The following GSG1L variants were observed in gnomAD, a reference collection of about 807,000 sequenced individuals.
The protein encoded by GSG1L is GSG1 like.
A neutral mutation model predicts 42.1 loss-of-function variants in GSG1L; 24 were observed. That is an observed-to-expected ratio of 0.57 (90% CI 0.41 to 0.80). The LOEUF (loss-of-function observed/expected upper bound fraction) is 0.80. Ranked by LOEUF, GSG1L falls within the 30% of genes least tolerant of loss-of-function variation. GSG1L has a pLI of 0.00. For synonymous variants in GSG1L, 215 were observed against 203.5 expected, an observed-to-expected ratio of 1.06 and a Z score of -0.48; for missense variants, 445 against 472.2, an observed-to-expected ratio of 0.94 and a Z score of 0.53.
intron 2 of GSG1L, among the ~76,000 whole-genome samples, chr16:27,898,681 TCTC>T (rs1284525903): frequency 1.3e-5 from 2 of 150,514 alleles, no homozygotes; most frequent in Non-Finnish European, 3.0e-5. Flanking sequence ...TCTTTCTCTC[TCTC>T]TCTCTCTCTC....
intron 3 of GSG1L, among the ~76,000 whole-genome samples, chr16:27,853,568 T>C (rs2083540316): frequency 6.6e-6 from 1 of 152,170 alleles, no homozygotes; most frequent in Non-Finnish European, 1.5e-5. Flanking sequence ...AACCTTGTCT[T>C]GTCTGCAGAG....
intron 2 of GSG1L, among the ~76,000 whole-genome samples, chr16:27,900,669 T>C (rs895344626): frequency 6.6e-6 from 1 of 152,188 alleles, no homozygotes. Flanking sequence ...AGCCTCCCTC[T>C]CCAGCTCTGC....
intron 2 of GSG1L, among the ~76,000 whole-genome samples, chr16:27,948,129 C>T (rs957983762): frequency 6.6e-6 from 1 of 152,120 alleles, no homozygotes; most frequent in African/African-American, 2.4e-5. Flanking sequence ...ATTAGTTCAC[C>T]TGGGGACAGG....
At chr16:27,979,642 G>GGAAAGAAAGAAA (rs200521273) in intron 1 of GSG1L, among the ~76,000 whole-genome samples, 23 of 55,948 alleles carry the variant, frequency 4.1e-4, no homozygotes, top group African/African-American at 1.4e-3. Flanking sequence ...AGGAGGGAGG[G>GGAAAGAAAGAAA]GAAAGAAAGA....
intron 3 of GSG1L, among the ~76,000 whole-genome samples, chr16:27,849,050 G>A (rs536262151): frequency 6.6e-6 from 1 of 152,130 alleles, no homozygotes; most frequent in Admixed American, 6.5e-5. Flanking sequence ...ACAAGAATTA[G>A]CCAGGTGTGG....
intron 1 of GSG1L, among the ~76,000 whole-genome samples, chr16:28,056,633 A>T (rs965650882): frequency 4.0e-5 from 6 of 148,366 alleles, no homozygotes; most frequent in Non-Finnish European, 9.0e-5. Flanking sequence ...AATATATATT[A>T]AAAAAAAAAA....
At chr16:27,810,725 T>C (rs1378346291) in intron 5 of GSG1L, among the ~76,000 whole-genome samples, 1 of 152,084 alleles carries the variant, frequency 6.6e-6, no homozygotes, top group African/African-American at 2.4e-5. Context: ...TCTCACTCTG[T>C]TGTCCAGGCT....
chr16:28,014,234 A>C lies in GSG1L; in HGVS notation c.349+48842T>G, dbSNP rs1444891371. ...AAGATGACATTTGCACTAAGCTGAAAGGAAGTATGTATTCTGAATAAATAA... is the reference window on the plus strand; with the variant it reads ...AAGATGACATTTGCACTAAGCTGAACGGAAGTATGTATTCTGAATAAATAA... On this transcript the variant is annotated intron_variant, in intron 1 of 6. Coordinates refer to ENST00000447459, the MANE Select transcript of GSG1L (RefSeq NM_001109763.2). Among the ~76,000 whole-genome samples, 3 of 152,248 alleles carry C rather than the reference A, an allele frequency of 2.0e-5. No individual in the cohort carries two copies. In the East Asian group the frequency reaches 5.8e-4, roughly 29 times the overall value.
chr16:27,812,033 C>T (rs959356714), intron 5 of GSG1L, among the ~76,000 whole-genome samples: 3 of 152,210 alleles, frequency 2.0e-5, no homozygotes, highest in African/African-American at 7.2e-5. Flanking sequence ...GAGCCTCAGC[C>T]TTGGGAAGTG....
rs201480876 is a variant in GSG1L at position 28,046,341 on chromosome 16, CTTTTTTTTTTTTTT to C, written c.349+16721_349+16734del. 8.7e-3 allele frequency among the ~76,000 whole-genome samples: 663 copies of C among 76,068 alleles called. 7 individuals carry two copies. Among genetic ancestry groups the C allele is most frequent in the African/African-American group, 0.03 (453 of 15,116 alleles). The allele number at this position is 76,068 out of a possible 152,430, so 49.9% of individuals were successfully genotyped here. On this transcript the variant is annotated intron_variant, in intron 1 of 6. Transcript: ENST00000447459. ...ACATGCATTGAGGAGGAAGTCCACT[CTTTTTTTTTTTTTT>C]TTTTTTTTTTTTTTCTGAGACGGAG...
chr16:28,017,632 C>A (rs1417929661), intron 1 of GSG1L, among the ~76,000 whole-genome samples: 1 of 152,222 alleles, frequency 6.6e-6, no homozygotes, highest in African/African-American at 2.4e-5. Context: ...AAAAACTACG[C>A]AGCCGTGGAA....
At chr16:28,021,815 G>T (rs2085847023) in intron 1 of GSG1L, among the ~76,000 whole-genome samples, 1 of 152,006 alleles carries the variant, frequency 6.6e-6, no homozygotes, top group Admixed American at 6.6e-5. Context: ...GACTGGCATT[G>T]GTCTCACAAA....
intron 1 of GSG1L, among the ~76,000 whole-genome samples, chr16:28,012,558 A>G (rs2085732976): frequency 1.3e-5 from 2 of 149,986 alleles, no homozygotes; most frequent in Non-Finnish European, 1.5e-5. Context: ...CTTAGAGTGC[A>G]GATTGACCTG....
intron 2 of GSG1L, among the ~76,000 whole-genome samples, chr16:27,913,702 TAACCAC>T (rs2084418536): frequency 6.6e-6 from 1 of 152,200 alleles, no homozygotes; most frequent in Admixed American, 6.5e-5. Flanking sequence ...CAGAGGTGAG[TAACCAC>T]AATAGAGACT....
intron 1 of GSG1L, among the ~76,000 whole-genome samples, chr16:27,995,135 G>T (rs1448635982): frequency 6.6e-6 from 1 of 152,174 alleles, no homozygotes; most frequent in East Asian, 1.9e-4. Flanking sequence ...CGAGAAGAAT[G>T]GGAGAAACAG....
chr16:28,055,932 C>T lies in GSG1L; in HGVS notation c.349+7144G>A, dbSNP rs570948993. On this transcript the variant is annotated intron_variant, in intron 1 of 6. Transcript: ENST00000447459. The stretch of plus-strand genomic sequence containing the variant: ...CCAGAATTTAAACACGGGGGAGTGA[C>T]GTGAGCTCCCCACAGGATCCCACTA... 4.4e-4 allele frequency among the ~76,000 whole-genome samples: 5 copies of T among 11,370 alleles called. No homozygotes were observed. The Admixed American group carries it at 0.014, about 32-fold the overall frequency. 7.5% of individuals were successfully genotyped at this position (11,370 alleles called of 152,430 possible). A position where few individuals can be genotyped will look rare whatever the true frequency, so the allele number is the denominator to read the frequency against.
chr16:27,806,340 T>C (rs2082962308), intron 6 of GSG1L, among the ~76,000 whole-genome samples: 1 of 152,198 alleles, frequency 6.6e-6, no homozygotes, highest in Admixed American at 6.5e-5. Flanking sequence ...CAGAGCCATT[T>C]CTCATTCAGT....
intron 1 of GSG1L, among the ~76,000 whole-genome samples, chr16:27,996,776 C>T (rs560466294): frequency 2.0e-5 from 3 of 152,224 alleles, no homozygotes; most frequent in East Asian, 3.9e-4. Context: ...AATCTTTTTC[C>T]TTTTTCTTTT....
intron 1 of GSG1L, among the ~76,000 whole-genome samples, chr16:28,043,936 C>T (rs772039799): frequency 7.3e-5 from 11 of 150,064 alleles, no homozygotes; most frequent in East Asian, 2.0e-4. Flanking sequence ...ATGGGAGGAT[C>T]GCTTGAGCCC....
Sources: allele counts gnomAD v4.1 joint callset (sites outside exome capture counted in the v4.1 genomes callset), GRCh38; gene constraint gnomAD v4.1.1; transcripts MANE v1.5; gene names NCBI Gene and HGNC (gene_info 2026-07-23, HGNC 2026-07-21).